The following STXBP4 variants were observed in gnomAD, a reference collection of about 807,000 sequenced individuals.
The protein encoded by STXBP4 is syntaxin-binding protein 4.
A neutral mutation model predicts 76.1 loss-of-function variants in STXBP4; 55 were observed. The ratio of observed to expected loss-of-function variants is 0.72; its 90% CI spans 0.58 to 0.91. The LOEUF is 0.91. STXBP4 is among the 40% of genes least tolerant of loss of function. The pLI, the probability that STXBP4 is intolerant of heterozygous loss-of-function variation, is 0.00. For synonymous variants in STXBP4, 201 were observed against 220.2 expected, an observed-to-expected ratio of 0.91 and a Z score of 0.77; for missense variants, 618 against 636.9, an observed-to-expected ratio of 0.97 and a Z score of 0.32.
At chr17:55,110,775 A>T (rs989521204) in intron 16 of STXBP4, among the ~76,000 whole-genome samples, 4 of 152,192 alleles carry the variant, frequency 2.6e-5, no homozygotes, top group African/African-American at 9.6e-5. Flanking sequence ...GATTTGGCCC[A>T]TGGCTATAGT....
intron 1 of STXBP4, among the ~76,000 whole-genome samples, chr17:54,984,591 C>G (rs1190389202): frequency 1.3e-5 from 2 of 152,004 alleles, no homozygotes; most frequent in African/African-American, 4.8e-5. Flanking sequence ...GATCCACCCG[C>G]CTCGGCCACC....
At chr17:55,092,009 A>G (rs770457202) in intron 16 of STXBP4, among the ~76,000 whole-genome samples, 18 of 152,198 alleles carry the variant, frequency 1.2e-4, no homozygotes, top group Non-Finnish European at 2.6e-4. Context: ...TCAACCTGTA[A>G]TATCAAAAAT....
At chr17:55,042,191 C>G (rs189268326) in intron 10 of STXBP4, among the ~76,000 whole-genome samples, 7 of 152,188 alleles carry the variant, frequency 4.6e-5, no homozygotes, top group African/African-American at 1.7e-4. Context: ...CATTCCACCA[C>G]GTTTTTTGTT....
At chr17:55,014,511 A>T (rs1258240076) in intron 8 of STXBP4, among the ~76,000 whole-genome samples, 1 of 152,142 alleles carries the variant, frequency 6.6e-6, no homozygotes, top group South Asian at 2.1e-4. Context: ...TCTGGAGGAC[A>T]GTTGTCCGGG....
intron 13 of STXBP4, among the ~76,000 whole-genome samples, chr17:55,076,517 T>G (rs1282822559): frequency 1.3e-5 from 2 of 152,322 alleles, no homozygotes; most frequent in East Asian, 3.8e-4. Flanking sequence ...ATTTCGTGTT[T>G]GTGATGTCAG....
chr17:54,971,222 G>T (rs1283267576), intron 1 of STXBP4, among the ~76,000 whole-genome samples: 1 of 152,158 alleles, frequency 6.6e-6, no homozygotes, highest in East Asian at 1.9e-4. Context: ...CACAGAGCAG[G>T]CATCAAAATC....
At chr17:55,131,708 C>T (rs758078068) in intron 16 of STXBP4, among the ~76,000 whole-genome samples, 4 of 152,094 alleles carry the variant, frequency 2.6e-5, no homozygotes, top group Non-Finnish European at 5.9e-5. Flanking sequence ...AATTCATGTT[C>T]GACAGCCACT....
At chr17:55,104,977 C>G (rs930644110) in intron 16 of STXBP4, among the ~76,000 whole-genome samples, 1 of 151,986 alleles carries the variant, frequency 6.6e-6, no homozygotes, top group Admixed American at 6.6e-5. Context: ...GATGGTATCC[C>G]CTTTATCATT....
At chr17:55,130,830 A>G (rs1231790271) in intron 16 of STXBP4, among the ~76,000 whole-genome samples, 1 of 152,180 alleles carries the variant, frequency 6.6e-6, no homozygotes, top group Admixed American at 6.5e-5. Context: ...AGATTCACCC[A>G]TGTTGTCCCA....
intron 8 of STXBP4, among the ~76,000 whole-genome samples, chr17:55,008,938 C>T (rs746030096): frequency 1.8e-4 from 27 of 152,218 alleles, no homozygotes; most frequent in Admixed American, 3.9e-4. Flanking sequence ...CATTCAGTTC[C>T]ATCTCCTTCA....
intron 12 of STXBP4, among the ~76,000 whole-genome samples, chr17:55,071,159 G>A (rs1181711808): frequency 1.3e-5 from 2 of 152,034 alleles, no homozygotes; most frequent in African/African-American, 4.8e-5. Context: ...CAACACAGCA[G>A]CAAAAGTAAC....
rs538571406 is a variant in STXBP4, at chr17:55,059,888, A to C, written c.1011+12734A>C. ...GAGGATAAAGTCCACCAGATTTAAC[A>C]GTCATAAAATGTGCAGTAATAAGGA... On this transcript the variant is annotated intron_variant, in intron 12 of 17. Transcript: ENST00000376352. Among the ~76,000 whole-genome samples, 205 of 152,252 alleles carry C rather than the reference A, an allele frequency of 1.3e-3. 2 individuals carry two copies. The highest frequency in any genetic ancestry group is 2.3e-3 in the Non-Finnish European group (154 of 67,986).
At chr17:55,033,851 A>T (rs1475775406) in intron 9 of STXBP4, among the ~76,000 whole-genome samples, 1 of 152,218 alleles carries the variant, frequency 6.6e-6, no homozygotes, top group Non-Finnish European at 1.5e-5. Flanking sequence ...TAGAAAAGCC[A>T]TAAATCATAA....
At chr17:55,064,581 G>C (rs1184564253) in intron 12 of STXBP4, among the ~76,000 whole-genome samples, 2 of 152,070 alleles carry the variant, frequency 1.3e-5, no homozygotes, top group East Asian at 3.9e-4. Context: ...GCAACCTCCA[G>C]CTCCCGGGTT....
At chr17:55,027,640 A>C (rs1006615882) in intron 8 of STXBP4, among the ~76,000 whole-genome samples, 1 of 152,242 alleles carries the variant, frequency 6.6e-6, no homozygotes, top group African/African-American at 2.4e-5. Context: ...GAGTGAAAAA[A>C]GCAAGTTTTA....
chr17:55,180,004 G>C, the STXBP4 span, among the ~76,000 whole-genome samples: 4 of 152,052 alleles, frequency 2.6e-5, no homozygotes, highest in Admixed American at 6.5e-5. Context: ...TTACTAAGGT[G>C]CCCACTTTCT....
At chr17:54,988,824 GTCCTC>G (rs2032003549) in intron 3 of STXBP4, among the ~76,000 whole-genome samples, 1 of 152,050 alleles carries the variant, frequency 6.6e-6, no homozygotes. Flanking sequence ...CTTGGACCCT[GTCCTC>G]TCTGCCTTTT....
rs536011450 is a variant in STXBP4, at chr17:55,079,533, G to A, written c.1355+798G>A. Among the ~76,000 whole-genome samples the A allele has an allele frequency of 1.1e-4, 16 of 151,774 alleles. No homozygotes were observed. The South Asian group carries it at 2.7e-3, about 26-fold the overall frequency. On this transcript the variant is annotated intron_variant, in intron 15 of 17. Coordinates refer to ENST00000376352, the MANE Select transcript of STXBP4 (RefSeq NM_178509.6). ...AGTATTTTGGGAGGCTGAGGCAGGG[G>A]GATCACTTGAGCCCAGGAGTTTGAG...
At chr17:55,211,741 C>T in the STXBP4 span, among the ~76,000 whole-genome samples, 1 of 149,782 alleles carries the variant, frequency 6.7e-6, no homozygotes. Flanking sequence ...TAATGTCCTA[C>T]TGAAATCATG....
Sources: gnomAD v4.1 joint callset for allele counts (sites outside exome capture counted in the v4.1 genomes callset) on GRCh38, gnomAD v4.1.1 for gene constraint, MANE v1.5 for transcripts, NCBI Gene and HGNC (gene_info 2026-07-23, HGNC 2026-07-21) for gene names.